Variants in PPP1R36 observed in about 807,000 individuals in gnomAD.
The protein encoded by PPP1R36 is protein phosphatase 1 regulatory subunit 36.
In PPP1R36, 47 loss-of-function variants were observed where a neutral mutation model predicts 53.4. The ratio of observed to expected loss-of-function variants is 0.88; its 90% CI spans 0.70 to 1.12. PPP1R36 has a LOEUF of 1.12. Ranked by LOEUF, PPP1R36 falls within the 50% of genes most tolerant of loss-of-function variation. The pLI is 0.00. For synonymous variants in PPP1R36, 153 were observed against 170.5 expected (o/e 0.90, Z 0.80); for missense variants, 456 against 513.9 (o/e 0.89, Z 1.09).
intron 8 of PPP1R36, among the ~76,000 whole-genome samples, chr14:64,580,718 C>A (rs1422266517): frequency 6.6e-6 from 1 of 152,192 alleles, no homozygotes; most frequent in Non-Finnish European, 1.5e-5. Context: ...AAAAGACAGA[C>A]TGGAACAGGT....
rs553034129 is a variant in PPP1R36, at chr14:64,583,102, C to T, written c.669-3735C>T. Reference sequence around the variant, plus strand: ...TTTTTTTTTGTATTTTTGTAGAGATCGCGTTTTGCCATCTTGCCCAGGCTG... The same window carrying T: ...TTTTTTTTTGTATTTTTGTAGAGATTGCGTTTTGCCATCTTGCCCAGGCTG... On this transcript the variant is annotated intron_variant, in intron 8 of 11. Coordinates refer to ENST00000298705, the MANE Select transcript of PPP1R36 (RefSeq NM_172365.3). 6.9e-3 allele frequency among the ~76,000 whole-genome samples: 1,022 copies of T among 147,414 alleles called. 7 individuals carry two copies. Among genetic ancestry groups the T allele is most frequent in the Middle Eastern group, 0.014 (4 of 286 alleles).
intron 3 of PPP1R36, among the ~76,000 whole-genome samples, chr14:64,553,823 T>TAAAA (rs11441855): frequency 7.8e-4 from 64 of 81,678 alleles, no homozygotes; most frequent in East Asian, 2.8e-3. Context: ...AAGTTATAAC[T>TAAAA]AAAAAAAAAA....
At chr14:64,576,649 CT>C (rs2080344086) in intron 8 of PPP1R36, among the ~76,000 whole-genome samples, 1 of 152,116 alleles carries the variant, frequency 6.6e-6, no homozygotes, top group Admixed American at 6.6e-5. Context: ...TCTTGCACCC[CT>C]GTTTCTATAG....
chr14:64,556,762 A>C (rs866354706), intron 3 of PPP1R36, among the ~76,000 whole-genome samples: 1 of 133,970 alleles, frequency 7.5e-6, no homozygotes, highest in African/African-American at 2.8e-5. Context: ...TCTCCAAAAA[A>C]TGTGTGTGTG....
intron 3 of PPP1R36, among the ~76,000 whole-genome samples, chr14:64,561,363 T>C (rs1722292707): frequency 6.6e-6 from 1 of 152,238 alleles, no homozygotes; most frequent in African/African-American, 2.4e-5. Flanking sequence ...AACTCTTGCC[T>C]TACTTTTGCA....
chr14:64,551,530 CTA>C (rs1382561598), intron 2 of PPP1R36: 1 of 445,338 alleles, frequency 2.2e-6, no homozygotes, highest in Non-Finnish European at 4.5e-6. Context: ...TAAATTAATA[CTA>C]GACACTATCT....
chr14:64,586,853 A>G lies in PPP1R36; in HGVS notation c.685A>G (p.Thr229Ala), dbSNP rs1026524888. The change falls in exon 9 of 12, where the codon ACA (threonine) becomes GCA (alanine). Residue 229 changes from threonine to alanine, a missense_variant. By Grantham distance (58) the Thr-to-Ala change is moderately conservative (BLOSUM62 0). Coordinates refer to ENST00000298705, the MANE Select transcript of PPP1R36 (RefSeq NM_172365.3). ...MCCGKEKISD[T>A]QKDWKFFESF... The stretch of plus-strand genomic sequence containing the variant: ...ATATTACAGGGAGAAAATATCAGAT[A>G]CACAGAAAGACTGGAAGTTCTTTGA... 2.5e-6 allele frequency: 4 copies of G among 1,612,102 alleles called. No individual in the cohort carries two copies. In the African/African-American group the frequency reaches 4.0e-5, roughly 16 times the overall value.
Position 64,586,834 on chromosome 14 carries a change from C to A in PPP1R36, c.669-3C>A, listed in dbSNP as rs2080437232. 3.7e-6 allele frequency: 6 copies of A among 1,607,762 alleles called. No individual in the cohort carries two copies. The East Asian group carries it at 1.3e-4, about 36-fold the overall frequency. ...CCTATAGTTGTGACTTGTTATATTA[C>A]AGGGAGAAAATATCAGATACACAGA... On this transcript the variant is annotated splice_region_variant and splice_polypyrimidine_tract_variant and intron_variant, in intron 8 of 11. Transcript: ENST00000298705.
chr14:64,555,143 T>C (rs1596723229), intron 3 of PPP1R36, among the ~76,000 whole-genome samples: 1 of 152,270 alleles, frequency 6.6e-6, no homozygotes, highest in Admixed American at 6.5e-5. Context: ...CCATGAAATG[T>C]CTCACTTTCC....
At chr14:64,552,889 C>T (rs1311529400) in intron 3 of PPP1R36, 28 bp downstream of exon 3, 2 of 1,591,020 alleles carry the variant, frequency 1.3e-6, no homozygotes, top group African/African-American at 2.7e-5. Context: ...AGTGAGATAG[C>T]TTTGGGATTA....
At chr14:64,589,039 C>A in intron 11 of PPP1R36, 113 bp from the exon 12 acceptor site, 2 of 695,074 alleles carry the variant, frequency 2.9e-6, no homozygotes, top group Non-Finnish European at 2.4e-6. Flanking sequence ...TATATCTTAG[C>A]TTTAGTGTAC....
chr14:64,571,972 TC>T (rs1361360619), intron 7 of PPP1R36, among the ~76,000 whole-genome samples: 1 of 152,074 alleles, frequency 6.6e-6, no homozygotes, highest in African/African-American at 2.4e-5. Flanking sequence ...TCCCATTGGG[TC>T]CCTCCCATGA....
chr14:64,572,016 T>A (rs1218763911), intron 7 of PPP1R36, among the ~76,000 whole-genome samples: 2 of 152,172 alleles, frequency 1.3e-5, no homozygotes, highest in Non-Finnish European at 2.9e-5. Context: ...CAATTTAAGA[T>A]GAGATTTGGG....
chr14:64,567,354 TATA>T (rs2080267343), intron 6 of PPP1R36, among the ~76,000 whole-genome samples: 2 of 152,216 alleles, frequency 1.3e-5, no homozygotes, highest in African/African-American at 4.8e-5. Flanking sequence ...CACTTCTGTC[TATA>T]ATATTTTTAA....
At chr14:64,575,097 G>A (rs2080331989) in intron 8 of PPP1R36, among the ~76,000 whole-genome samples, 1 of 152,106 alleles carries the variant, frequency 6.6e-6, no homozygotes, top group South Asian at 2.1e-4. Flanking sequence ...ACTTAAAGAG[G>A]AGTCTCATCA....
chr14:64,572,481 ATAGGT>A (rs1359704443), intron 7 of PPP1R36, among the ~76,000 whole-genome samples: 1 of 152,162 alleles, frequency 6.6e-6, no homozygotes, highest in East Asian at 1.9e-4. Context: ...AGTTTTGTAT[ATAGGT>A]TAGCTTCTCT....
chr14:64,566,827 G>C (rs1360987257), intron 6 of PPP1R36, among the ~76,000 whole-genome samples: 2 of 152,226 alleles, frequency 1.3e-5, no homozygotes, highest in Non-Finnish European at 2.9e-5. Context: ...CAGAGCTAGG[G>C]AATCAGTGCC....
In PPP1R36 at chr14:64,564,827, G is replaced by A; in HGVS notation, c.259G>A (p.Ala87Thr). Reference sequence around the variant, plus strand: ...TCACTTTGCAGAAACTGATGGTCCAGCTTCAGACAGGTAGATTAACTTCCC... The same window carrying A: ...TCACTTTGCAGAAACTGATGGTCCAACTTCAGACAGGTAGATTAACTTCCC... Reference protein sequence around the residue: ...AVHFAETDGPASDRLTDKRLA... With the variant: ...AVHFAETDGPTSDRLTDKRLA... Residue 87 changes from alanine (A) to threonine (T), a missense_variant, in exon 4 of 12, where the codon GCT becomes ACT. Ala to Thr is a moderately conservative substitution (Grantham distance 58). Coordinates refer to ENST00000298705, the MANE Select transcript of PPP1R36 (RefSeq NM_172365.3). 3 of 1,602,310 alleles carry A rather than the reference G, an allele frequency of 1.9e-6. No homozygotes were observed. Among genetic ancestry groups the A allele is most frequent in the Non-Finnish European group, 2.6e-6 (3 of 1,174,926 alleles).
chr14:64,587,397 C>T (rs188756668), intron 10 of PPP1R36, 25 bp downstream of exon 10: 36 of 1,377,156 alleles, frequency 2.6e-5, no homozygotes, highest in Non-Finnish European at 3.2e-5. Context: ...CTTTCCTATG[C>T]TCAGGGGTAT....
Sources: gnomAD v4.1 joint callset for allele counts (sites outside exome capture counted in the v4.1 genomes callset) on GRCh38, gnomAD v4.1.1 for gene constraint, MANE v1.5 for transcripts, NCBI Gene and HGNC (gene_info 2026-07-23, HGNC 2026-07-21) for gene names.